Variants in EIF1AX observed in about 807,000 individuals in gnomAD.
EIF1AX encodes the protein eukaryotic translation initiation factor 1A X-linked.
Under a neutral mutation model 16.1 loss-of-function variants are expected in EIF1AX, and 1 was observed. That is an observed-to-expected ratio of 0.06 (90% CI 0.02 to 0.30). EIF1AX has a LOEUF of 0.30. Among genes scored for constraint, EIF1AX ranks in the 10% least tolerant of loss-of-function variants. The pLI, the probability that EIF1AX is intolerant of heterozygous loss-of-function variation, is 1.00. For synonymous variants in EIF1AX, 32 were observed against 37.3 expected, an observed-to-expected ratio of 0.86 and a Z score of 0.51; for missense variants, 11 against 109.1, an observed-to-expected ratio of 0.10 and a Z score of 4.00.
chrX:20,132,428 G>A (rs1176498270), intron 4 of EIF1AX, among the ~76,000 whole-genome samples, 165 bp from the exon 5 acceptor site: 1 of 111,401 alleles, frequency 9.0e-6, no homozygotes, highest in African/African-American at 3.3e-5. Context: ...AAGATCCTTA[G>A]GTTTAACCCA....
At chrX:20,135,985 G>A (rs1224985615) in intron 2 of EIF1AX, 144 bp from the exon 3 acceptor site, 17 of 453,798 alleles carry the variant, frequency 3.7e-5, no homozygotes, top group Non-Finnish European at 6.7e-5. Flanking sequence ...AAACATAAGG[G>A]AGTGATAAAC....
At position 20,138,411 on chromosome X, in the gene EIF1AX, G is replaced by A. The variant is rs878873380; in HGVS notation, c.100+128C>T. On this transcript the variant is annotated intron_variant, in intron 2 of 6. Transcript: ENST00000379607. ...TTCAGCCCAGGAGGTCATGGCTGCA[G>A]TGGGCTGTAATCGTGCCACCACACT... 50 of 543,782 alleles carry A rather than the reference G, an allele frequency of 9.2e-5. No homozygotes were observed. In the South Asian group the frequency reaches 1.3e-3, roughly 14 times the overall value. 44.8% of individuals were successfully genotyped at this position (543,782 alleles called of 1,213,427 possible).
At chrX:20,134,804 T>TA (rs1169528381) in intron 3 of EIF1AX, among the ~76,000 whole-genome samples, 1 of 111,646 alleles carries the variant, frequency 9.0e-6, no homozygotes, top group African/African-American at 3.3e-5. Context: ...CATACCAAAT[T>TA]AAAAAAAATA....
intron 2 of EIF1AX, among the ~76,000 whole-genome samples, chrX:20,137,233 A>G (rs2067019896): frequency 9.0e-6 from 1 of 111,067 alleles, no homozygotes; most frequent in South Asian, 3.8e-4. Context: ...TCACGAGGTT[A>G]GGAGATCGAG....
chrX:20,135,478 C>T (rs965550353), intron 3 of EIF1AX, among the ~76,000 whole-genome samples: 14 of 110,916 alleles, frequency 1.3e-4, no homozygotes, highest in African/African-American at 4.3e-4. Flanking sequence ...AAAACTGGGC[C>T]GTTTGTTTTT....
chrX:20,135,957 T>C (rs1010099051), intron 2 of EIF1AX, 116 bp from the exon 3 acceptor site: 6 of 521,148 alleles, frequency 1.2e-5, no homozygotes, highest in Admixed American at 2.8e-5. Flanking sequence ...AATAAATACA[T>C]ATAGTAAAAC....
At chrX:20,135,569 T>G (rs1055746538) in intron 3 of EIF1AX, among the ~76,000 whole-genome samples, 169 bp downstream of exon 3, 1 of 112,449 alleles carries the variant, frequency 8.9e-6, no homozygotes, top group Admixed American at 9.4e-5. Context: ...TTAGAACCTG[T>G]ATAAAATTAC....
intron 1 of EIF1AX, among the ~76,000 whole-genome samples, chrX:20,139,027 A>G (rs903317423): frequency 8.0e-5 from 9 of 112,186 alleles, no homozygotes; most frequent in African/African-American, 2.9e-4. Flanking sequence ...TTCAAAATTA[A>G]GTGAAGACAG....
chrX:20,139,799 T>C (rs1434889001), intron 1 of EIF1AX, among the ~76,000 whole-genome samples: 2 of 112,127 alleles, frequency 1.8e-5, no homozygotes, highest in East Asian at 2.8e-4. Context: ...GCCTGGTGAT[T>C]ACCTCCAAAA....
At chrX:20,130,396 T>C in intron 6 of EIF1AX, 120 bp downstream of exon 6, 3 of 638,073 alleles carry the variant, frequency 4.7e-6, no homozygotes, top group Non-Finnish European at 6.2e-6. Context: ...ATTCAGACAA[T>C]TCTCAAAATA....
chrX:20,135,630 TA>T, intron 3 of EIF1AX, 107 bp downstream of exon 3: 1 of 528,668 alleles, frequency 1.9e-6, no homozygotes, highest in Non-Finnish European at 3.3e-6. Context: ...TTTACCAAGG[TA>T]AGTCTTTTGG....
chrX:20,131,587 T>C lies in EIF1AX; in HGVS notation c.337+595A>G, dbSNP rs1417815205. On this transcript the variant is annotated intron_variant, in intron 5 of 6. Coordinates refer to ENST00000379607, the MANE Select transcript of EIF1AX (RefSeq NM_001412.4). ...TTGCAGTGAGCCAAGACTGCACCAC[T>C]GCACTCCAGCCTGGGCAAAAGAGTG... Among the ~76,000 whole-genome samples, 3 of 110,105 alleles carry C rather than the reference T, an allele frequency of 2.7e-5. No individual in the cohort carries two copies. In the East Asian group the frequency reaches 8.5e-4, roughly 31 times the overall value.
intron 6 of EIF1AX, among the ~76,000 whole-genome samples, chrX:20,129,455 C>A (rs1333295186): frequency 9.0e-6 from 1 of 111,538 alleles, no homozygotes; most frequent in Non-Finnish European, 1.9e-5. Context: ...GGTTTCTGAA[C>A]TACATTTTAG....
chrX:20,141,733 C>T lies in EIF1AX; in HGVS notation c.-93G>A. The T allele has an allele frequency of 1.1e-6, 1 of 940,348 alleles. No individual in the cohort carries two copies. Among genetic ancestry groups the T allele is most frequent in the Non-Finnish European group, 1.4e-6 (1 of 689,879 alleles). The allele number at this position is 940,348 out of a possible 1,213,427, so 77.5% of individuals were successfully genotyped here. ...CTCCGAGGGGCGACACGAGGGAGCG[C>T]GCGGGACCAAGTAGGTGCTGGAGGC... On this transcript the variant is annotated 5_prime_UTR_variant, in exon 1 of 7. Transcript: ENST00000379607.
In EIF1AX at chrX:20,129,819, A is replaced by G. The variant is rs144369182; in HGVS notation, c.429+697T>C. On this transcript the variant is annotated intron_variant, in intron 6 of 6. Transcript: ENST00000379607. Reference sequence around the variant, plus strand: ...GGTTCAAACAAGATTCTTTCAACACACTAATATTTCAATTAAAAAGGCATG... The same window carrying G: ...GGTTCAAACAAGATTCTTTCAACACGCTAATATTTCAATTAAAAAGGCATG... Among the ~76,000 whole-genome samples the G allele has an allele frequency of 2.9e-4, 33 of 112,202 alleles. No homozygotes were observed. The East Asian group carries it at 8.7e-3, about 29-fold the overall frequency.
chrX:20,124,948 A>G lies in EIF1AX; in HGVS notation c.*3358T>C, dbSNP rs2066980305. 1.3e-5 allele frequency: 2 copies of G among 149,297 alleles called. No individual in the cohort carries two copies. The highest frequency in any genetic ancestry group is 1.3e-5 in the Non-Finnish European group (1 of 75,498). The allele number at this position is 149,297 out of a possible 1,213,427, so 12.3% of individuals were successfully genotyped here. A position where few individuals can be genotyped will look rare whatever the true frequency, so the allele number is the denominator to read the frequency against. ...AGAATACAGAAGACATGCACCTTCT[A>G]TCTTACATAGTACTGGATATCAAGT... On this transcript the variant is annotated 3_prime_UTR_variant, in exon 7 of 7. Coordinates refer to ENST00000379607, the MANE Select transcript of EIF1AX (RefSeq NM_001412.4).
Position 20,124,594 on chromosome X carries a change from T to C in EIF1AX, c.*3712A>G, listed in dbSNP as rs1233184866. Reference sequence around the variant, plus strand: ...TCTGATTTCTTTACATCATTCCATATGATGGGAAAGGAAACCTCTAAATCA... The same window carrying C: ...TCTGATTTCTTTACATCATTCCATACGATGGGAAAGGAAACCTCTAAATCA... On this transcript the variant is annotated 3_prime_UTR_variant, in exon 7 of 7. Transcript: ENST00000379607. 1 of 153,259 alleles carries C rather than the reference T, an allele frequency of 6.5e-6. No individual in the cohort carries two copies. The highest frequency in any genetic ancestry group is 8.4e-5 in the Admixed American group (1 of 11,910). The allele number at this position is 153,259 out of a possible 1,213,427, so 12.6% of individuals were successfully genotyped here. A position where few individuals can be genotyped will look rare whatever the true frequency, so the allele number is the denominator to read the frequency against.
chrX:20,141,496 G>A (rs2067033991), intron 1 of EIF1AX, 129 bp downstream of exon 1: 2 of 819,522 alleles, frequency 2.4e-6, no homozygotes, highest in African/African-American at 2.2e-5. Context: ...CGTGTGGGGC[G>A]CCCAGCCGCG....
chrX:20,140,015 G>A (rs1486294659), intron 1 of EIF1AX: 1 of 112,648 alleles, frequency 8.9e-6, no homozygotes, highest in African/African-American at 3.2e-5. Flanking sequence ...GTAATGGGAT[G>A]TTCTTTAAAT....
Sources: allele counts gnomAD v4.1 joint callset (sites outside exome capture counted in the v4.1 genomes callset), GRCh38; gene constraint gnomAD v4.1.1; transcripts MANE v1.5; gene names NCBI Gene and HGNC (gene_info 2026-07-23, HGNC 2026-07-21).